The following ANKS1B variants were observed in gnomAD, a reference collection of about 807,000 sequenced individuals.
ANKS1B encodes ankyrin repeat and sterile alpha motif domain containing 1B.
Under a neutral mutation model 148.3 loss-of-function variants are expected in ANKS1B, and 36 were observed. That is an observed-to-expected ratio of 0.24 (90% CI 0.19 to 0.32). ANKS1B has a LOEUF of 0.32. ANKS1B is among the 10% of genes least tolerant of loss of function. ANKS1B has a pLI of 1.00. For synonymous variants in ANKS1B, 542 were observed against 560.8 expected (o/e 0.97, Z 0.47); for missense variants, 1,157 against 1,542.6 (o/e 0.75, Z 4.19).
intron 11 of ANKS1B, among the ~76,000 whole-genome samples, chr12:99,407,137 C>A (rs1401110748): frequency 1.4e-5 from 2 of 145,668 alleles, no homozygotes; most frequent in Non-Finnish European, 1.5e-5. Context: ...CAACAAAATA[C>A]TAGCAAACCA....
chr12:99,432,227 A>G (rs1308505952), intron 11 of ANKS1B, among the ~76,000 whole-genome samples: 1 of 152,198 alleles, frequency 6.6e-6, no homozygotes, highest in Non-Finnish European at 1.5e-5. Flanking sequence ...TATGTTCCAT[A>G]TAATGGAACT....
intron 17 of ANKS1B, among the ~76,000 whole-genome samples, chr12:98,899,351 C>G (rs2099768990): frequency 6.6e-6 from 1 of 152,176 alleles, no homozygotes; most frequent in South Asian, 2.1e-4. Flanking sequence ...CTAAGTACCA[C>G]ACTACTTTTC....
At chr12:99,879,640 G>C (rs1221617091) in intron 1 of ANKS1B, among the ~76,000 whole-genome samples, 1 of 151,958 alleles carries the variant, frequency 6.6e-6, no homozygotes, top group African/African-American at 2.4e-5. Flanking sequence ...TTACATTCTT[G>C]CTGCTAAGTT....
intron 17 of ANKS1B, among the ~76,000 whole-genome samples, chr12:98,880,477 A>G (rs1352363064): frequency 6.6e-6 from 1 of 152,194 alleles, no homozygotes; most frequent in Admixed American, 6.5e-5. Flanking sequence ...CAAGATGGGT[A>G]GGTTTCTGGC....
intron 9 of ANKS1B, among the ~76,000 whole-genome samples, chr12:99,594,831 T>G (rs1026270290): frequency 2.2e-4 from 33 of 151,934 alleles, no homozygotes; most frequent in South Asian, 1.4e-3. Context: ...AACACTGTAC[T>G]GTACACAAAA....
chr12:99,097,404 A>T (rs1485306491), intron 15 of ANKS1B: 1 of 152,166 alleles, frequency 6.6e-6, no homozygotes, highest in Non-Finnish European at 1.5e-5. Context: ...GCATTCAGAG[A>T]ATTAGGATCC....
At chr12:98,917,220 G>T (rs184218020) in intron 17 of ANKS1B, among the ~76,000 whole-genome samples, 2 of 152,130 alleles carry the variant, frequency 1.3e-5, no homozygotes, top group African/African-American at 4.8e-5. Flanking sequence ...GCATTTTCCC[G>T]TTGGAGAAAT....
intron 12 of ANKS1B, among the ~76,000 whole-genome samples, chr12:99,396,432 A>C (rs1338259036): frequency 2.0e-5 from 3 of 152,210 alleles, no homozygotes; most frequent in African/African-American, 7.2e-5. Context: ...GTGCTTTCAC[A>C]TTATTACTAA....
intron 8 of ANKS1B, among the ~76,000 whole-genome samples, chr12:99,667,241 C>T (rs752163804): frequency 7.3e-5 from 11 of 151,406 alleles, no homozygotes; most frequent in Admixed American, 1.3e-4. Flanking sequence ...TCCAGCTACT[C>T]GGGAGGCTGA....
intron 9 of ANKS1B, among the ~76,000 whole-genome samples, chr12:99,545,601 G>A (rs1027983899): frequency 4.0e-5 from 6 of 151,758 alleles, no homozygotes; most frequent in East Asian, 1.9e-4. Context: ...GATTAGCTTC[G>A]TCATACTTTT....
chr12:99,044,359 T>G (rs2099960972), intron 17 of ANKS1B, among the ~76,000 whole-genome samples: 1 of 148,940 alleles, frequency 6.7e-6, no homozygotes, highest in African/African-American at 2.5e-5. Flanking sequence ...ACCCTGACAG[T>G]TGTTACACAA....
At chr12:98,761,636 C>G (rs760257890) in intron 25 of ANKS1B, among the ~76,000 whole-genome samples, 2 of 152,134 alleles carry the variant, frequency 1.3e-5, no homozygotes, top group Non-Finnish European at 2.9e-5. Context: ...ACTACTATAC[C>G]TATTCATGTA....
In ANKS1B at chr12:99,198,524, T is replaced by C. The variant is rs144636946; in HGVS notation, c.2420-44129A>G. On this transcript the variant is annotated intron_variant, in intron 14 of 26. Coordinates refer to ENST00000683438, the MANE Select transcript of ANKS1B (RefSeq NM_001352186.2). ...CTTGAGGATAGCAGGTACATTTTTATTATGAGCAAATCTTGTCTAAATTAG... is the reference window on the plus strand; with the variant it reads ...CTTGAGGATAGCAGGTACATTTTTACTATGAGCAAATCTTGTCTAAATTAG... Among the ~76,000 whole-genome samples the C allele has an allele frequency of 1.8e-4, 28 of 152,328 alleles. No homozygotes were observed. In the East Asian group the frequency reaches 3.9e-3, roughly 21 times the overall value.
chr12:98,783,582 G>GA (rs2098758055), intron 22 of ANKS1B, among the ~76,000 whole-genome samples: 1 of 152,172 alleles, frequency 6.6e-6, no homozygotes. Flanking sequence ...AAAAGACAAT[G>GA]ACGGCCTATT....
chr12:99,392,063 G>A (rs559864090), intron 12 of ANKS1B, among the ~76,000 whole-genome samples: 6 of 152,246 alleles, frequency 3.9e-5, no homozygotes, highest in Admixed American at 6.5e-5. Flanking sequence ...ATGTAATCTC[G>A]CATCATCCTC....
chr12:99,653,678 C>CTTTTTTT (rs199988255), intron 9 of ANKS1B, among the ~76,000 whole-genome samples: 12 of 113,568 alleles, frequency 1.1e-4, no homozygotes, highest in Non-Finnish European at 1.5e-4. Flanking sequence ...TTCTTTCTTT[C>CTTTTTTT]TTTTTTTTTT....
At chr12:98,943,985 T>C (rs1015896714) in intron 17 of ANKS1B, among the ~76,000 whole-genome samples, 2 of 152,136 alleles carry the variant, frequency 1.3e-5, no homozygotes, top group Non-Finnish European at 2.9e-5. Context: ...AGTCTATTAG[T>C]TCACACAAAT....
At chr12:98,826,377 G>T (rs1463004274) in intron 19 of ANKS1B, among the ~76,000 whole-genome samples, 1 of 151,928 alleles carries the variant, frequency 6.6e-6, no homozygotes, top group East Asian at 1.9e-4. Flanking sequence ...AATTTAACAG[G>T]TAAAATGGAC....
At chr12:98,737,221 C>G (rs2097777955) in intron 9 of ANKS1B, among the ~76,000 whole-genome samples, 1 of 152,310 alleles carries the variant, frequency 6.6e-6, no homozygotes. Flanking sequence ...TCATCTGAAT[C>G]ACATTAAACT....
Sources: gnomAD v4.1 joint callset for allele counts (sites outside exome capture counted in the v4.1 genomes callset) on GRCh38, gnomAD v4.1.1 for gene constraint, MANE v1.5 for transcripts, NCBI Gene and HGNC (gene_info 2026-07-23, HGNC 2026-07-21) for gene names.